The following RANBP9 variants were observed in gnomAD, a reference collection of about 807,000 sequenced individuals.
RANBP9 encodes the protein ran-binding protein 9.
Under a neutral mutation model 84.3 loss-of-function variants are expected in RANBP9, and 15 were observed. The ratio of observed to expected loss-of-function variants is 0.18; its 90% confidence interval spans 0.12 to 0.27. The LOEUF (loss-of-function observed/expected upper bound fraction) is 0.27, where lower values mean the gene tolerates loss of function less well. Among genes scored for constraint, RANBP9 ranks in the 10% least tolerant of loss-of-function variants. The pLI, the probability that RANBP9 is intolerant of heterozygous loss-of-function variation, is 1.00. For missense variants in RANBP9, 809 were observed against 912.8 expected, an observed-to-expected ratio of 0.89 and a Z score of 1.46; for synonymous variants, 392 against 349.6, an observed-to-expected ratio of 1.12 and a Z score of -1.35.
chr6:13,673,299 A>C (rs878894964), intron 2 of RANBP9, among the ~76,000 whole-genome samples: 1 of 152,216 alleles, frequency 6.6e-6, no homozygotes, highest in Admixed American at 6.5e-5. Context: ...CATCCAGAGA[A>C]ATTATCCCTC....
At chr6:13,640,800 G>A (rs112995431) in intron 8 of RANBP9, among the ~76,000 whole-genome samples, 48 of 152,198 alleles carry the variant, frequency 3.2e-4, no homozygotes, top group Middle Eastern at 3.4e-3. Flanking sequence ...GAGAAGTTCT[G>A]GAGTCGGATG....
chr6:13,645,890 CA>C (rs1418926346), intron 5 of RANBP9, among the ~76,000 whole-genome samples: 1 of 152,060 alleles, frequency 6.6e-6, no homozygotes, highest in African/African-American at 2.4e-5. Flanking sequence ...TGTTTAAAAA[CA>C]ACCGTTCAAT....
chr6:13,630,000 G>A (rs985464066), intron 12 of RANBP9, among the ~76,000 whole-genome samples: 1 of 151,428 alleles, frequency 6.6e-6, no homozygotes, highest in Non-Finnish European at 1.5e-5. Context: ...TAAAAACGAT[G>A]CTACAATTTT....
At chr6:13,699,060 G>T (rs1031382458) in intron 1 of RANBP9, among the ~76,000 whole-genome samples, 4 of 151,900 alleles carry the variant, frequency 2.6e-5, no homozygotes, top group African/African-American at 7.3e-5. Context: ...TACGAAATAG[G>T]TATTATTTAA....
At chr6:13,697,162 G>C (rs1757853121) in intron 1 of RANBP9, among the ~76,000 whole-genome samples, 1 of 152,114 alleles carries the variant, frequency 6.6e-6, no homozygotes, top group African/African-American at 2.4e-5. Context: ...AGCCTTTTAT[G>C]CAAATTAAAT....
chr6:13,625,678 G>A lies in RANBP9; in HGVS notation c.2034C>T (p.Cys678=), dbSNP rs2127758276. ...QLDPIQREPV[C]SALNSAILET... ...CTAATATTGCACTGTTAAGAGCTGA[G>A]CACACAGGTTCTCTCTGAATCGGGT... is the stretch of plus-strand genomic sequence containing the variant. The change falls in exon 13 of 14, where the codon TGC becomes TGT. Residue 678 remains cysteine (C), a synonymous_variant. Transcript: ENST00000011619. 1 of 1,611,330 alleles carries A rather than the reference G, an allele frequency of 6.2e-7. No individual in the cohort carries two copies. The highest frequency in any genetic ancestry group is 8.5e-7 in the Non-Finnish European group (1 of 1,177,524).
intron 2 of RANBP9, among the ~76,000 whole-genome samples, chr6:13,667,718 A>G (rs955899953): frequency 1.3e-5 from 2 of 152,158 alleles, no homozygotes; most frequent in Non-Finnish European, 1.5e-5. Flanking sequence ...GAGCAGAGCA[A>G]TAGACCACAC....
chr6:13,653,766 G>C (rs776124929), intron 4 of RANBP9, among the ~76,000 whole-genome samples: 12 of 152,152 alleles, frequency 7.9e-5, no homozygotes, highest in Non-Finnish European at 1.3e-4. Context: ...TTTGTAGTTA[G>C]TAAAGCCCTG....
chr6:13,706,898 T>C (rs894478707), intron 1 of RANBP9, among the ~76,000 whole-genome samples: 3 of 150,672 alleles, frequency 2.0e-5, no homozygotes, highest in Non-Finnish European at 2.9e-5. Flanking sequence ...GCTACTCAGC[T>C]ACTCAGGAGG....
chr6:13,629,752 C>T (rs1014672129), intron 12 of RANBP9, among the ~76,000 whole-genome samples: 3 of 151,958 alleles, frequency 2.0e-5, no homozygotes, highest in South Asian at 2.1e-4. Flanking sequence ...CACTGGAAGA[C>T]GTAGGCAGAT....
intron 2 of RANBP9, among the ~76,000 whole-genome samples, chr6:13,674,100 T>C (rs1480056754): frequency 6.8e-6 from 1 of 145,996 alleles, no homozygotes; most frequent in Non-Finnish European, 1.5e-5. Flanking sequence ...AAAAAAAAAG[T>C]ACATTTTAAA....
intron 2 of RANBP9, among the ~76,000 whole-genome samples, chr6:13,696,280 G>C (rs1032588526): frequency 6.6e-6 from 1 of 152,084 alleles, no homozygotes; most frequent in Non-Finnish European, 1.5e-5. Context: ...ATAAAATTTG[G>C]TTCCAGGCCC....
intron 1 of RANBP9, among the ~76,000 whole-genome samples, chr6:13,704,816 G>C (rs144360029): frequency 2.2e-3 from 334 of 152,004 alleles, no homozygotes; most frequent in African/African-American, 7.5e-3. Context: ...CATCTTTTAA[G>C]ACTGACCACT....
At chr6:13,693,137 C>G (rs142498275) in intron 2 of RANBP9, among the ~76,000 whole-genome samples, 1 of 152,180 alleles carries the variant, frequency 6.6e-6, no homozygotes, top group Non-Finnish European at 1.5e-5. Context: ...GAAAGGTACT[C>G]CTAAACTAGG....
At chr6:13,707,458 T>A (rs1357298197) in intron 1 of RANBP9, among the ~76,000 whole-genome samples, 4 of 152,138 alleles carry the variant, frequency 2.6e-5, no homozygotes, top group African/African-American at 9.7e-5. Flanking sequence ...TCCCCCAGAG[T>A]AAGTATTTTC....
intron 10 of RANBP9, among the ~76,000 whole-genome samples, 162 bp from the exon 11 acceptor site, chr6:13,634,714 C>T (rs1764892583): frequency 6.6e-6 from 1 of 152,162 alleles, no homozygotes; most frequent in African/African-American, 2.4e-5. Flanking sequence ...TATTCAAAGC[C>T]AAACATGTCG....
chr6:13,646,508 T>C (rs985422314), intron 5 of RANBP9, among the ~76,000 whole-genome samples: 6 of 152,044 alleles, frequency 3.9e-5, no homozygotes, highest in African/African-American at 9.7e-5. Flanking sequence ...CCAAACACAA[T>C]TGAGTGAAAG....
chr6:13,652,248 G>C (rs1424626488), intron 5 of RANBP9, among the ~76,000 whole-genome samples: 1 of 152,096 alleles, frequency 6.6e-6, no homozygotes, highest in Admixed American at 6.5e-5. Flanking sequence ...AAGTCCAAGA[G>C]GGCAGAGACC....
chr6:13,689,337 C>G (rs531846431), intron 2 of RANBP9, among the ~76,000 whole-genome samples: 1 of 144,640 alleles, frequency 6.9e-6, no homozygotes, highest in East Asian at 2.1e-4. Context: ...GTGGTGTGAT[C>G]TCGGCTCACT....
Sources: allele counts gnomAD v4.1 joint callset (sites outside exome capture counted in the v4.1 genomes callset), GRCh38; gene constraint gnomAD v4.1.1; transcripts MANE v1.5; gene names NCBI Gene and HGNC (gene_info 2026-07-23, HGNC 2026-07-21).